DMD: variants seen among roughly 807,000 people sequenced by gnomAD.
DMD encodes the protein dystrophin.
A neutral mutation model predicts 330.1 loss-of-function variants in DMD; 63 were observed. The observed-to-expected ratio is 0.19, with a 90% CI of 0.16 to 0.24. The LOEUF (loss-of-function observed/expected upper bound fraction) is 0.24. Ranked by LOEUF, DMD falls within the 10% of genes least tolerant of loss-of-function variation. The probability of loss-of-function intolerance (pLI) is 1.00; values close to 1 mark genes in which losing one functional copy is unlikely to be tolerated. For missense variants in DMD, 3,344 were observed against 2,684.1 expected (o/e 1.25, Z -5.43); for synonymous variants, 1,223 against 959.8 (o/e 1.27, Z -5.07).
At chrX:31,268,726 T>C in intron 62 of DMD, among the ~76,000 whole-genome samples, 1 of 112,482 alleles carries the variant, frequency 8.9e-6, no homozygotes, top group Non-Finnish European at 1.9e-5. Context: ...ACTGTTTATG[T>C]TTATTTCAAC....
chrX:32,589,483 T>A (rs1241998853), intron 13 of DMD, among the ~76,000 whole-genome samples: 1 of 110,767 alleles, frequency 9.0e-6, no homozygotes. Flanking sequence ...TGTACGTATG[T>A]ATATATATAG....
intron 47 of DMD, among the ~76,000 whole-genome samples, chrX:31,920,413 A>G (rs1051618742): frequency 8.9e-6 from 1 of 112,092 alleles, no homozygotes; most frequent in East Asian, 2.8e-4. Flanking sequence ...AGGAGTTGGC[A>G]TATGAAAACT....
At chrX:32,517,815 G>T in intron 18 of DMD, 193 bp downstream of exon 18, 2 of 485,801 alleles carry the variant, frequency 4.1e-6, no homozygotes, top group Non-Finnish European at 7.0e-6. Context: ...GTCAGTCACA[G>T]AAGAATCCAG....
chrX:31,890,375 G>GAAGA (rs1010545335), intron 47 of DMD, among the ~76,000 whole-genome samples: 2 of 105,834 alleles, frequency 1.9e-5, no homozygotes, highest in East Asian at 2.9e-4. Flanking sequence ...AAAAAAAGAA[G>GAAGA]AAGAAAGAAA....
At chrX:32,670,168 T>A (rs1278881994) in intron 9 of DMD, among the ~76,000 whole-genome samples, 3 of 111,619 alleles carry the variant, frequency 2.7e-5, no homozygotes, top group Non-Finnish European at 5.6e-5. Flanking sequence ...ATACTTCCTA[T>A]CTCTACTGTG....
At chrX:32,730,368 G>C (rs927261603) in intron 7 of DMD, among the ~76,000 whole-genome samples, 1 of 111,831 alleles carries the variant, frequency 8.9e-6, no homozygotes, top group Non-Finnish European at 1.9e-5. Flanking sequence ...AAATGTAATG[G>C]TGCCATAAGT....
At chrX:32,472,873 T>G (rs183635891) in intron 21 of DMD, among the ~76,000 whole-genome samples, 1 of 111,364 alleles carries the variant, frequency 9.0e-6, no homozygotes, top group African/African-American at 3.3e-5. Context: ...CATTCTTAAT[T>G]CTTATAATAA....
chrX:32,533,829 C>T (rs1392803281), intron 17 of DMD, among the ~76,000 whole-genome samples: 1 of 111,943 alleles, frequency 8.9e-6, no homozygotes, highest in African/African-American at 3.3e-5. Context: ...GCAATTTAAA[C>T]TTTAAACTCT....
intron 44 of DMD, among the ~76,000 whole-genome samples, chrX:32,201,291 TTATTG>T (rs2097035090): frequency 8.9e-6 from 1 of 111,913 alleles, no homozygotes; most frequent in African/African-American, 3.3e-5. Context: ...TTAAAATATC[TTATTG>T]TATTGTAGTC....
At chrX:31,463,317 C>A (rs191501224) in intron 59 of DMD, among the ~76,000 whole-genome samples, 1 of 111,757 alleles carries the variant, frequency 8.9e-6, no homozygotes, top group East Asian at 2.8e-4. Flanking sequence ...AAAGTTCTTT[C>A]TTAGGCCCCA....
chrX:32,587,123 A>G (rs990740213), intron 13 of DMD, among the ~76,000 whole-genome samples: 3 of 111,822 alleles, frequency 2.7e-5, no homozygotes, highest in African/African-American at 9.7e-5. Context: ...TCCCGAAGAT[A>G]TGTACTATAA....
intron 2 of DMD, among the ~76,000 whole-genome samples, chrX:32,853,769 G>GGA (rs1207178232): frequency 3.6e-5 from 2 of 56,092 alleles, no homozygotes; most frequent in Non-Finnish European, 6.2e-5. Context: ...CACAGTGACA[G>GGA]AAAAAAAAAA....
chrX:33,249,215 A>G (rs2052724155), intron 1 of DMD, among the ~76,000 whole-genome samples: 1 of 112,249 alleles, frequency 8.9e-6, no homozygotes, highest in Non-Finnish European at 1.9e-5. Flanking sequence ...CAATGGCACA[A>G]TCTCGGCTCA....
chrX:31,571,254 G>T (rs202012873), intron 55 of DMD, among the ~76,000 whole-genome samples: 45 of 90,449 alleles, frequency 5.0e-4, no homozygotes, highest in Admixed American at 2.1e-3. Context: ...GATTTAAAGG[G>T]GTGTGTGTGT....
intron 7 of DMD, among the ~76,000 whole-genome samples, chrX:32,788,521 G>T (rs1264468757): frequency 8.9e-6 from 1 of 111,888 alleles, no homozygotes; most frequent in African/African-American, 3.2e-5. Context: ...GTACAGCTAA[G>T]TAAATGTCAT....
At chrX:32,461,018 T>C (rs2098381505) in intron 25 of DMD, among the ~76,000 whole-genome samples, 1 of 111,930 alleles carries the variant, frequency 8.9e-6, no homozygotes, top group African/African-American at 3.2e-5. Context: ...ACATACCCTT[T>C]AAAATTTAAA....
At chrX:33,138,304 T>G (rs1254885311) in intron 1 of DMD, among the ~76,000 whole-genome samples, 1 of 111,787 alleles carries the variant, frequency 8.9e-6, no homozygotes, top group Non-Finnish European at 1.9e-5. Context: ...CTATTACCTA[T>G]TCGACAGGAA....
chrX:31,281,474 C>T (rs1298713658), intron 62 of DMD, among the ~76,000 whole-genome samples: 1 of 112,046 alleles, frequency 8.9e-6, no homozygotes, highest in Non-Finnish European at 1.9e-5. Context: ...CATTAATAAT[C>T]AGTACGATGT....
intron 1 of DMD, among the ~76,000 whole-genome samples, chrX:33,021,895 T>G (rs1411546957): frequency 9.0e-6 from 1 of 111,511 alleles, no homozygotes; most frequent in Non-Finnish European, 1.9e-5. Flanking sequence ...CAGATAGTAA[T>G]AGTTTTCAAA....
Sources: allele counts gnomAD v4.1 joint callset (sites outside exome capture counted in the v4.1 genomes callset), GRCh38; gene constraint gnomAD v4.1.1; transcripts MANE v1.5; gene names NCBI Gene and HGNC (gene_info 2026-07-23, HGNC 2026-07-21).